The following SLCO1B3 variants were observed in gnomAD, a reference collection of about 807,000 sequenced individuals.
SLCO1B3 encodes the protein liver-specific organic anion transporter 2.
A neutral mutation model predicts 71.8 loss-of-function variants in SLCO1B3; 72 were observed. That is an observed-to-expected ratio of 1.00 (90% CI 0.83 to 1.22). The LOEUF is 1.22. Ranked by LOEUF, SLCO1B3 falls within the 50% of genes most tolerant of loss-of-function variation. The pLI, the probability that SLCO1B3 is intolerant of heterozygous loss-of-function variation, is 0.00. For missense variants in SLCO1B3, 911 were observed against 819.7 expected (o/e 1.11, Z -1.36); for synonymous variants, 298 against 278.4 (o/e 1.07, Z -0.70).
intron 3 of SLCO1B3, among the ~76,000 whole-genome samples, chr12:20,854,145 T>G (rs1269743928): frequency 3.3e-5 from 5 of 152,066 alleles, no homozygotes; most frequent in African/African-American, 1.2e-4. Context: ...TTGGAGAATG[T>G]TCCATTTCTG....
At chr12:20,838,982 T>A (rs1207464170) in intron 3 of SLCO1B3, among the ~76,000 whole-genome samples, 2 of 152,058 alleles carry the variant, frequency 1.3e-5, no homozygotes, top group African/African-American at 2.4e-5. Context: ...ACTTATATAG[T>A]AGTTGCCCTG....
chr12:20,835,519 C>T (rs190569791), intron 3 of SLCO1B3, among the ~76,000 whole-genome samples: 5 of 152,280 alleles, frequency 3.3e-5, no homozygotes, highest in Admixed American at 2.6e-4. Flanking sequence ...CAAAGTTCCA[C>T]AGATCTCTAG....
intron 3 of SLCO1B3, among the ~76,000 whole-genome samples, chr12:20,845,790 C>T (rs1864905581): frequency 6.6e-6 from 1 of 152,120 alleles, no homozygotes; most frequent in African/African-American, 2.4e-5. Flanking sequence ...CTCTCTAGAT[C>T]ATCTGTCTAG....
intron 3 of SLCO1B3, among the ~76,000 whole-genome samples, chr12:20,845,855 T>G (rs1864907916): frequency 6.6e-6 from 1 of 152,194 alleles, no homozygotes. Flanking sequence ...TGTCTACTGA[T>G]TTCTTAGGTC....
At chr12:20,835,555 C>T (rs1358880969) in intron 3 of SLCO1B3, among the ~76,000 whole-genome samples, 1 of 152,186 alleles carries the variant, frequency 6.6e-6, no homozygotes, top group Non-Finnish European at 1.5e-5. Context: ...CTGCCAGTCT[C>T]TTTGCTACAG....
chr12:20,870,481 C>G (rs1482327536), intron 8 of SLCO1B3, among the ~76,000 whole-genome samples: 1 of 152,080 alleles, frequency 6.6e-6, no homozygotes, highest in Non-Finnish European at 1.5e-5. Context: ...AAATTTTAGT[C>G]TTCAACATAG....
At chr12:20,891,127 C>CT (rs986108517) in intron 13 of SLCO1B3, among the ~76,000 whole-genome samples, 2 of 151,948 alleles carry the variant, frequency 1.3e-5, no homozygotes, top group Non-Finnish European at 2.9e-5. Context: ...AAGTTTTATA[C>CT]TTTGTGTGTT....
At chr12:20,859,216 C>G (rs542120283) in intron 5 of SLCO1B3, among the ~76,000 whole-genome samples, 2 of 152,280 alleles carry the variant, frequency 1.3e-5, no homozygotes, top group South Asian at 4.1e-4. Flanking sequence ...TGCACACAGG[C>G]TGAGCTCCAG....
At chr12:20,814,776 G>A (rs1864161911) in intron 2 of SLCO1B3, among the ~76,000 whole-genome samples, 1 of 151,704 alleles carries the variant, frequency 6.6e-6, no homozygotes, top group Non-Finnish European at 1.5e-5. Context: ...CTGCGCCTGT[G>A]GTCCCAGCTA....
rs766957082 is a variant in SLCO1B3 at position 20,859,494 on chromosome 12, C to CCCCA, written c.359+924_359+925insCCAC. On this transcript the variant is annotated intron_variant, in intron 5 of 15. Coordinates refer to ENST00000381545, the MANE Select transcript of SLCO1B3 (RefSeq NM_019844.4). ...ACCATATGAATTCTGTTTTTTTCCC[C>CCCCA]CTCTACATTTGGCCCTTATAAGAAC... 9.3e-4 allele frequency among the ~76,000 whole-genome samples: 135 copies of CCCCA among 145,372 alleles called. 1 individual carries two copies. Among genetic ancestry groups the CCCCA allele is most frequent in the Non-Finnish European group, 1.7e-3 (113 of 65,212 alleles).
At chr12:20,887,249 T>C (rs1865808172) in intron 13 of SLCO1B3, among the ~76,000 whole-genome samples, 1 of 152,094 alleles carries the variant, frequency 6.6e-6, no homozygotes, top group Admixed American at 6.6e-5. Context: ...GTGGGATTGC[T>C]GGATTAAATG....
At chr12:20,854,608 A>G (rs1865094309) in intron 3 of SLCO1B3, among the ~76,000 whole-genome samples, 1 of 152,166 alleles carries the variant, frequency 6.6e-6, no homozygotes, top group African/African-American at 2.4e-5. Context: ...TTGCCTCCAC[A>G]AAGTTCTATT....
At chr12:20,829,411 T>C (rs1203264970) in intron 3 of SLCO1B3, among the ~76,000 whole-genome samples, 1 of 152,208 alleles carries the variant, frequency 6.6e-6, no homozygotes, top group Admixed American at 6.5e-5. Flanking sequence ...GAGTTGTTGG[T>C]CTCCTTCATC....
At chr12:20,853,364 G>T (rs1865060852) in intron 3 of SLCO1B3, among the ~76,000 whole-genome samples, 1 of 151,780 alleles carries the variant, frequency 6.6e-6, no homozygotes, top group Non-Finnish European at 1.5e-5. Flanking sequence ...ATTGGTTACT[G>T]GTTTTATCTT....
chr12:20,882,632 G>A (rs780034870), intron 12 of SLCO1B3, among the ~76,000 whole-genome samples: 19 of 152,106 alleles, frequency 1.2e-4, no homozygotes, highest in Non-Finnish European at 2.4e-4. Flanking sequence ...TCGCAAACTC[G>A]TGACCTCATG....
intron 3 of SLCO1B3, chr12:20,845,193 G>T: frequency 2.6e-6 from 1 of 379,664 alleles, no homozygotes. Context: ...AGCCACATGG[G>T]AGAAGCAGAT....
At chr12:20,883,265 A>G (rs1441638193) in intron 12 of SLCO1B3, among the ~76,000 whole-genome samples, 153 bp from the exon 13 acceptor site, 1 of 152,192 alleles carries the variant, frequency 6.6e-6, no homozygotes, top group Non-Finnish European at 1.5e-5. Context: ...TCAGGGAGCT[A>G]TTTTGCCTTC....
At chr12:20,818,344 AT>A (rs1181516256) in intron 3 of SLCO1B3, among the ~76,000 whole-genome samples, 1 of 152,228 alleles carries the variant, frequency 6.6e-6, no homozygotes, top group Non-Finnish European at 1.5e-5. Context: ...CTGGTCTTTT[AT>A]CAGACTGTAT....
At chr12:20,898,654 G>A (rs950454836) in intron 14 of SLCO1B3, among the ~76,000 whole-genome samples, 154 bp downstream of exon 14, 2 of 152,050 alleles carry the variant, frequency 1.3e-5, no homozygotes, top group African/African-American at 2.4e-5. Context: ...AAAAAGGAAC[G>A]GGAAAATTGA....
Sources: allele counts gnomAD v4.1 joint callset (sites outside exome capture counted in the v4.1 genomes callset), GRCh38; gene constraint gnomAD v4.1.1; transcripts MANE v1.5; gene names NCBI Gene and HGNC (gene_info 2026-07-23, HGNC 2026-07-21).